Variants in GABRG3 observed in about 807,000 individuals in gnomAD.
GABRG3 encodes the protein gamma-aminobutyric acid type A receptor subunit gamma3, also known as gamma-aminobutyric acid receptor subunit gamma-3.
A neutral mutation model predicts 48.8 loss-of-function variants in GABRG3; 25 were observed. That is an observed-to-expected ratio of 0.51 (90% CI 0.37 to 0.72). The LOEUF (loss-of-function observed/expected upper bound fraction) is 0.72. Ranked by LOEUF, GABRG3 falls within the 30% of genes least tolerant of loss-of-function variation. The pLI is 0.00. For synonymous variants in GABRG3, 227 were observed against 217.6 expected (o/e 1.04, Z -0.38); for missense variants, 394 against 577.9 (o/e 0.68, Z 3.26).
chr15:27,413,096 A>G (rs915713198), intron 5 of GABRG3, among the ~76,000 whole-genome samples: 1 of 152,220 alleles, frequency 6.6e-6, no homozygotes, highest in Admixed American at 6.5e-5. Flanking sequence ...GAAAAGATGC[A>G]TAATCTCTTT....
chr15:27,388,176 A>G (rs1406752090), intron 5 of GABRG3, among the ~76,000 whole-genome samples: 1 of 85,108 alleles, frequency 1.2e-5, no homozygotes, highest in Non-Finnish European at 2.1e-5. Flanking sequence ...GGAAGGAAGG[A>G]AAGGAGGGAG....
chr15:27,249,021 G>T (rs918432379), intron 3 of GABRG3, among the ~76,000 whole-genome samples: 3 of 152,056 alleles, frequency 2.0e-5, no homozygotes, highest in Admixed American at 6.5e-5. Flanking sequence ...TGTTTGCCCC[G>T]AGGAGAAAGG....
intron 6 of GABRG3, among the ~76,000 whole-genome samples, chr15:27,501,546 C>T (rs564327695): frequency 3.9e-4 from 60 of 152,134 alleles, no homozygotes; most frequent in Middle Eastern, 3.2e-3. Context: ...CTCCTGCAAT[C>T]TACTGCATTT....
At chr15:27,120,602 G>A (rs1235641198) in intron 3 of GABRG3, among the ~76,000 whole-genome samples, 1 of 151,904 alleles carries the variant, frequency 6.6e-6, no homozygotes, top group Non-Finnish European at 1.5e-5. Flanking sequence ...AATTATCAAG[G>A]TCTAATTGCG....
At chr15:27,503,898 C>A (rs1890701386) in intron 6 of GABRG3, among the ~76,000 whole-genome samples, 1 of 152,114 alleles carries the variant, frequency 6.6e-6, no homozygotes, top group Non-Finnish European at 1.5e-5. Context: ...TATCTTGTGG[C>A]ACTGACCCTT....
intron 3 of GABRG3, among the ~76,000 whole-genome samples, chr15:27,308,320 A>T (rs1314381569): frequency 7.0e-6 from 1 of 143,154 alleles, no homozygotes; most frequent in South Asian, 2.2e-4. Context: ...ATATATAAAC[A>T]TACGTTTATA....
intron 6 of GABRG3, among the ~76,000 whole-genome samples, chr15:27,517,759 T>G (rs73371525): frequency 0.068 from 10,329 of 152,242 alleles, 1,202 homozygotes; most frequent in African/African-American, 0.24. Context: ...GAATCACACA[T>G]AATTCAAATC....
chr15:27,196,233 A>G (rs1049098826), intron 3 of GABRG3, among the ~76,000 whole-genome samples: 3 of 152,072 alleles, frequency 2.0e-5, no homozygotes, highest in African/African-American at 7.2e-5. Context: ...CTTCTTATAA[A>G]TAACACCCTC....
At chr15:27,392,646 T>TA (rs761575755) in intron 5 of GABRG3, among the ~76,000 whole-genome samples, 1 of 152,204 alleles carries the variant, frequency 6.6e-6, no homozygotes, top group Non-Finnish European at 1.5e-5. Flanking sequence ...ACTCACACTT[T>TA]AAGGACTAGG....
At chr15:27,086,194 G>A (rs983102164) in intron 3 of GABRG3, among the ~76,000 whole-genome samples, 5 of 150,920 alleles carry the variant, frequency 3.3e-5, no homozygotes, top group South Asian at 2.1e-4. Context: ...TTGTGGATCC[G>A]ACATGCCAGG....
At chr15:27,528,113 C>G (rs1891325847) in intron 9 of GABRG3, 121 bp downstream of exon 9, 2 of 736,014 alleles carry the variant, frequency 2.7e-6, no homozygotes, top group South Asian at 3.4e-5. Flanking sequence ...GATGCACATG[C>G]TGACTTCAAA....
intron 5 of GABRG3, among the ~76,000 whole-genome samples, chr15:27,337,474 A>G (rs1595686797): frequency 1.3e-5 from 2 of 152,222 alleles, no homozygotes; most frequent in Non-Finnish European, 2.9e-5. Flanking sequence ...AGTCGTAGAC[A>G]CCAGTGTGTG....
At chr15:27,093,014 TC>T (rs1378235838) in intron 3 of GABRG3, among the ~76,000 whole-genome samples, 3 of 151,954 alleles carry the variant, frequency 2.0e-5, no homozygotes, top group Non-Finnish European at 4.4e-5. Context: ...CTGGCACACA[TC>T]CCCAGTCACT....
At chr15:26,991,436 T>G (rs970946819) in intron 2 of GABRG3, among the ~76,000 whole-genome samples, 1 of 152,152 alleles carries the variant, frequency 6.6e-6, no homozygotes, top group Non-Finnish European at 1.5e-5. Context: ...TTTAGGATAG[T>G]TTTTTAAAAT....
chr15:27,150,027 C>T (rs1030124383), intron 3 of GABRG3, among the ~76,000 whole-genome samples: 2 of 152,150 alleles, frequency 1.3e-5, no homozygotes, highest in African/African-American at 4.8e-5. Context: ...AGTGTAATAT[C>T]TTTCTTACAA....
chr15:27,079,681 C>G (rs921835337), intron 3 of GABRG3, among the ~76,000 whole-genome samples: 1 of 152,196 alleles, frequency 6.6e-6, no homozygotes, highest in Non-Finnish European at 1.5e-5. Flanking sequence ...GCCTTCTATT[C>G]ATGGACAGAA....
rs1363539201 is a variant in GABRG3 at position 27,236,602 on chromosome 15, C to A, written c.271-90207C>A. Among the ~76,000 whole-genome samples, 3 of 152,314 alleles carry A rather than the reference C, an allele frequency of 2.0e-5. No homozygotes were observed. Among genetic ancestry groups the A allele is most frequent in the Middle Eastern group, 3.4e-3 (1 of 294 alleles). Reference sequence around the variant, plus strand: ...TCAGACTCCGCCTCCCTCTTTACAGCCTCAGCGTGACAGCCCACCAGTTTC... The same window carrying A: ...TCAGACTCCGCCTCCCTCTTTACAGACTCAGCGTGACAGCCCACCAGTTTC... On this transcript the variant is annotated intron_variant, in intron 3 of 9. Transcript: ENST00000615808. This position sits in a 1 kb window ranked among gnomAD's most constrained non-coding sequence, Gnocchi z 4.4.
At chr15:27,520,189 T>C in intron 7 of GABRG3, 65 bp downstream of exon 7, 1 of 1,390,402 alleles carries the variant, frequency 7.2e-7, no homozygotes, top group Non-Finnish European at 9.9e-7. Context: ...TCATAAAAAA[T>C]ACCTTCAATG....
chr15:26,971,879 G>A (rs973490300), intron 1 of GABRG3, among the ~76,000 whole-genome samples: 1 of 152,146 alleles, frequency 6.6e-6, no homozygotes, highest in Non-Finnish European at 1.5e-5. Flanking sequence ...AGGTTCAGGG[G>A]GCAGGGGCCA....
Sources: allele counts gnomAD v4.1 joint callset (sites outside exome capture counted in the v4.1 genomes callset), GRCh38; gene constraint gnomAD v4.1.1; non-coding constraint Gnocchi (gnomAD v3.1); transcripts MANE v1.5; gene names NCBI Gene and HGNC (gene_info 2026-07-23, HGNC 2026-07-21).